The following ZBTB25 variants were observed in gnomAD, a reference collection of about 807,000 sequenced individuals.
ZBTB25 encodes the protein zinc finger and BTB domain-containing protein 25.
In ZBTB25, 20 loss-of-function variants were observed where a neutral mutation model predicts 34.2. The observed-to-expected ratio is 0.58, with a 90% CI of 0.41 to 0.85. The LOEUF (loss-of-function observed/expected upper bound fraction) is 0.85. ZBTB25 is among the 40% of genes least tolerant of loss of function. The pLI, the probability that ZBTB25 is intolerant of heterozygous loss-of-function variation, is 0.00. For synonymous variants in ZBTB25, 175 were observed against 186.4 expected (o/e 0.94, Z 0.50); for missense variants, 437 against 521.8 (o/e 0.84, Z 1.58).
intron 2 of ZBTB25, chr14:64,468,607 G>T: frequency 1.2e-6 from 2 of 1,613,896 alleles, no homozygotes; most frequent in Non-Finnish European, 1.7e-6. Flanking sequence ...CTTCTGATCA[G>T]CCAGAGCCCA....
At chr14:64,464,857 TGC>T (rs2078593450) in intron 2 of ZBTB25, among the ~76,000 whole-genome samples, 2 of 152,220 alleles carry the variant, frequency 1.3e-5, no homozygotes, top group Non-Finnish European at 1.5e-5. Flanking sequence ...CGCATAGAGA[TGC>T]AGCTGCTCCT....
In ZBTB25 at chr14:64,498,089, GACTA is replaced by G. The variant is rs1181089755; in HGVS notation, c.-8+5568_-8+5571del. On this transcript the variant is annotated intron_variant, in intron 1 of 2. Transcript: ENST00000608382. ...CATATGATAAAAGACTTTATATAGCGACTAACTTTTTAATGGAACTTTCACATGA... is the reference window on the plus strand; with the variant it reads ...CATATGATAAAAGACTTTATATAGCGACTTTTTAATGGAACTTTCACATGA... 2.6e-5 allele frequency among the ~76,000 whole-genome samples: 4 copies of G among 152,266 alleles called. No individual in the cohort carries two copies. In the East Asian group the frequency reaches 7.7e-4, roughly 29 times the overall value.
intron 1 of ZBTB25, among the ~76,000 whole-genome samples, chr14:64,497,346 C>T (rs552589509): frequency 5.5e-4 from 83 of 152,232 alleles, no homozygotes; most frequent in Non-Finnish European, 8.8e-4. Context: ...TTTGTATAGC[C>T]TTTGCTCATC....
intron 1 of ZBTB25, chr14:64,502,618 C>T (rs1044711676): frequency 7.0e-5 from 69 of 985,136 alleles, no homozygotes; most frequent in Non-Finnish European, 8.3e-5. Flanking sequence ...CCTGACTTCT[C>T]CATAACCTGA....
intron 2 of ZBTB25, among the ~76,000 whole-genome samples, chr14:64,451,824 G>A (rs2078377203): frequency 6.6e-6 from 1 of 152,292 alleles, no homozygotes; most frequent in East Asian, 1.9e-4. Context: ...AATGTGCCTT[G>A]GCATTTATAG....
At chr14:64,488,183 T>TA in intron 2 of ZBTB25, 126 bp from the exon 3 acceptor site, 2 of 1,390,280 alleles carry the variant, frequency 1.4e-6, no homozygotes, top group East Asian at 4.9e-5. Flanking sequence ...TCTGCCTTAA[T>TA]AAAACATGGC....
chr14:64,460,029 C>T, intron 2 of ZBTB25: 1 of 1,008,522 alleles, frequency 9.9e-7, no homozygotes, highest in African/African-American at 1.6e-5. Flanking sequence ...ATATGAATTA[C>T]AGCCTTAACA....
chr14:64,449,681 C>G (rs768078804), intron 2 of ZBTB25: 12 of 1,579,642 alleles, frequency 7.6e-6, no homozygotes, highest in Non-Finnish European at 1.0e-5. Context: ...AGTGAAGTTT[C>G]TGTGTGGCTA....
chr14:64,463,082 A>T (rs2078571228), intron 2 of ZBTB25: 1 of 152,192 alleles, frequency 6.6e-6, no homozygotes, highest in Non-Finnish European at 1.5e-5. Context: ...AAATACATTT[A>T]TAGCCTATTT....
At chr14:64,460,042 C>T (rs2078536373) in intron 2 of ZBTB25, 5 of 922,466 alleles carry the variant, frequency 5.4e-6, no homozygotes, top group Middle Eastern at 2.4e-4. Context: ...CCTTAACAGA[C>T]TGTGCCACAG....
chr14:64,477,725 T>A (rs2078732782), downstream of ZBTB25, among the ~76,000 whole-genome samples: 1 of 152,146 alleles, frequency 6.6e-6, no homozygotes, highest in African/African-American at 2.4e-5. Context: ...AAAAAAAAAT[T>A]TTTTTTTAAT....
chr14:64,464,439 G>C (rs1181330130), intron 2 of ZBTB25, among the ~76,000 whole-genome samples: 2 of 152,098 alleles, frequency 1.3e-5, no homozygotes, highest in African/African-American at 4.8e-5. Flanking sequence ...ATTTGGCTTT[G>C]CTTTTGTGTC....
chr14:64,502,783 G>C (rs1414774092), intron 1 of ZBTB25: 2 of 960,470 alleles, frequency 2.1e-6, no homozygotes, highest in East Asian at 1.2e-4. Context: ...GCTAGCTCCA[G>C]CTACATCACG....
rs1045427786 is a variant in ZBTB25, at chr14:64,479,987, A to G, written c.*6936T>C. On this transcript the variant is annotated 3_prime_UTR_variant, in exon 3 of 3. Transcript: ENST00000608382. ...CAGTTGAGAACTACTATTGTGGATC[A>G]TGTTACTGGGGGCAAAAGGCGATAC... The G allele has an allele frequency of 2.6e-5, 4 of 153,760 alleles. No individual in the cohort carries two copies. The highest frequency in any genetic ancestry group is 7.2e-5 in the African/African-American group (3 of 41,448). The allele number at this position is 153,760 out of a possible 1,614,324, so 9.5% of individuals were successfully genotyped here.
Position 64,486,747 on chromosome 14 carries a change from T to C in ZBTB25, c.*176A>G. ...GTAGTAATTGAATGTTACATTTTAA[T>C]AGCCACATATTAATATGTCTTATGA... is the stretch of plus-strand genomic sequence containing the variant. On this transcript the variant is annotated 3_prime_UTR_variant, in exon 3 of 3. Coordinates refer to ENST00000608382, the MANE Select transcript of ZBTB25 (RefSeq NM_006977.5). 7.9e-7 allele frequency: 1 copy of C among 1,266,832 alleles called. No individual in the cohort carries two copies. Among genetic ancestry groups the C allele is most frequent in the Non-Finnish European group, 1.0e-6 (1 of 1,003,570 alleles). 78.5% of individuals were successfully genotyped at this position (1,266,832 alleles called of 1,614,324 possible). A position where few individuals can be genotyped will look rare whatever the true frequency, so the allele number is the denominator to read the frequency against.
chr14:64,454,984 G>A (rs1417714693), intron 2 of ZBTB25: 9 of 1,151,100 alleles, frequency 7.8e-6, no homozygotes, highest in African/African-American at 3.0e-5. Context: ...CTGCCCAGAA[G>A]AAAATTGGAA....
Position 64,486,396 on chromosome 14 carries a change from A to G in ZBTB25, c.*527T>C. ...TAGTAGTTAAAAAATAAAACTACTC[A>G]TGATTTGGTATATCTTAAAATAAAT... On this transcript the variant is annotated 3_prime_UTR_variant, in exon 3 of 3. Transcript: ENST00000608382. The G allele has an allele frequency of 1.0e-6, 1 of 984,986 alleles. No homozygotes were observed. Among genetic ancestry groups the G allele is most frequent in the Non-Finnish European group, 1.2e-6 (1 of 829,508 alleles). The allele number at this position is 984,986 out of a possible 1,614,324, so 61.0% of individuals were successfully genotyped here. A position where few individuals can be genotyped will look rare whatever the true frequency, so the allele number is the denominator to read the frequency against.
chr14:64,503,462 T>C (rs1339393791), intron 1 of ZBTB25, 199 bp downstream of exon 1: 3 of 985,462 alleles, frequency 3.0e-6, no homozygotes, highest in Non-Finnish European at 3.6e-6. Context: ...TTCTGGGTAT[T>C]GTCGGCCCAG....
At chr14:64,458,504 A>G (rs183727271) in intron 2 of ZBTB25, 163 of 608,944 alleles carry the variant, frequency 2.7e-4, no homozygotes, top group Non-Finnish European at 3.1e-4. Context: ...ATTTCAACAC[A>G]TTTTTGGAAG....
Sources: allele counts gnomAD v4.1 joint callset (sites outside exome capture counted in the v4.1 genomes callset), GRCh38; gene constraint gnomAD v4.1.1; transcripts MANE v1.5; gene names NCBI Gene and HGNC (gene_info 2026-07-23, HGNC 2026-07-21).